The following LARP4B variants were observed in gnomAD, a reference collection of about 807,000 sequenced individuals.
LARP4B encodes the protein La ribonucleoprotein 4B.
LARP4B carries 12 observed loss-of-function variants against 89.8 expected under a neutral mutation model. The observed-to-expected ratio is 0.13, with a 90% CI of 0.09 to 0.22. LARP4B has a LOEUF of 0.22. Ranked by LOEUF, LARP4B falls within the 10% of genes least tolerant of loss-of-function variation. The pLI is 1.00. For missense variants in LARP4B, 757 were observed against 947.7 expected, an observed-to-expected ratio of 0.80 and a Z score of 2.64; for synonymous variants, 367 against 363.3, an observed-to-expected ratio of 1.01 and a Z score of -0.12.
At chr10:941,307 T>TTTTG in the LARP4B span, among the ~76,000 whole-genome samples, 30,983 of 151,654 alleles carry the variant, frequency 0.2, 3,758 homozygotes, top group African/African-American at 0.34. Flanking sequence ...GCTTACTTTG[T>TTTTG]TTTGTTTGTT....
intron 1 of LARP4B, among the ~76,000 whole-genome samples, chr10:917,194 C>T (rs1227266870): frequency 6.6e-6 from 1 of 152,146 alleles, no homozygotes; most frequent in Non-Finnish European, 1.5e-5. Context: ...TTGTTTGAAA[C>T]ATTGCTGATT....
chr10:951,870 C>A, the LARP4B span, among the ~76,000 whole-genome samples: 1 of 148,136 alleles, frequency 6.8e-6, no homozygotes, highest in Non-Finnish European at 1.5e-5. Context: ...GAACCAACTG[C>A]ATAACATACA....
At chr10:855,627 A>G (rs987582477) in intron 5 of LARP4B, among the ~76,000 whole-genome samples, 2 of 152,226 alleles carry the variant, frequency 1.3e-5, no homozygotes, top group African/African-American at 4.8e-5. Flanking sequence ...AAGATCATCG[A>G]TCACCACTAG....
At chr10:905,527 T>C (rs1326252676) in intron 1 of LARP4B, among the ~76,000 whole-genome samples, 1 of 152,190 alleles carries the variant, frequency 6.6e-6, no homozygotes, top group Non-Finnish European at 1.5e-5. Context: ...TCTTCATTAG[T>C]CCCTCCATGC....
chr10:972,352 C>T, the LARP4B span: 1 of 397,902 alleles, frequency 2.5e-6, no homozygotes, highest in Non-Finnish European at 4.9e-6. Context: ...GCACCCACTT[C>T]CACCAGGGGA....
At chr10:820,494 T>G (rs1832296434) in intron 14 of LARP4B, 2 of 318,044 alleles carry the variant, frequency 6.3e-6, no homozygotes, top group Non-Finnish European at 1.2e-5. Flanking sequence ...ACAGAAGAGC[T>G]CACGTGCACA....
upstream of LARP4B, among the ~76,000 whole-genome samples, chr10:935,041 C>T (rs117339259): frequency 3.9e-5 from 6 of 152,348 alleles, no homozygotes; most frequent in Middle Eastern, 3.4e-3. Context: ...ACCCTTCACA[C>T]GCTAGTCCCA....
chr10:967,143 G>A, the LARP4B span, among the ~76,000 whole-genome samples: 1 of 152,228 alleles, frequency 6.6e-6, no homozygotes, highest in South Asian at 2.1e-4. Flanking sequence ...GACTTGCTGG[G>A]TGGACAGCCC....
intron 1 of LARP4B, among the ~76,000 whole-genome samples, chr10:917,803 T>C (rs1836864629): frequency 6.6e-6 from 1 of 152,246 alleles, no homozygotes; most frequent in South Asian, 2.1e-4. Context: ...AAAGAACCTA[T>C]ATGGCCAATC....
At chr10:927,921 G>C (rs1837190508) in intron 1 of LARP4B, among the ~76,000 whole-genome samples, 1 of 152,156 alleles carries the variant, frequency 6.6e-6, no homozygotes, top group Non-Finnish European at 1.5e-5. Flanking sequence ...TTTAAAACTT[G>C]TACCTTTGGC....
At chr10:916,936 G>A (rs989280188) in intron 1 of LARP4B, among the ~76,000 whole-genome samples, 3 of 152,112 alleles carry the variant, frequency 2.0e-5, no homozygotes, top group South Asian at 2.1e-4. Flanking sequence ...GGCCTCAAGC[G>A]ATCCTCCCTT....
In LARP4B at chr10:813,012, G is replaced by A. The variant is rs367870952; in HGVS notation, c.2131C>T (p.Arg711Trp). ...GGCGAGGGCCGGCCCCCCGCCGGCCGCCTCTGGTCTCTGGGGGCTCCAGGT... is the reference window on the plus strand; with the variant it reads ...GGCGAGGGCCGGCCCCCCGCCGGCCACCTCTGGTCTCTGGGGGCTCCAGGT... ...STPGAPRDQR[R>W]PAGGRPSPSA... is the part of the protein sequence containing the mutation. The change falls in exon 18 of 18, where the codon CGG (arginine) becomes TGG (tryptophan). Residue 711 changes from arginine to tryptophan, a missense_variant. This residue lies in a region of LARP4B where 387 missense variants were observed against 423.6 expected (regional missense o/e 0.91). Coordinates refer to ENST00000316157, the MANE Select transcript of LARP4B (RefSeq NM_015155.3). The A allele has an allele frequency of 8.2e-6, 13 of 1,594,506 alleles. No individual in the cohort carries two copies. Among genetic ancestry groups the A allele is most frequent in the South Asian group, 4.6e-5 (4 of 87,432 alleles).
At chr10:914,428 A>T (rs990462125) in intron 1 of LARP4B, among the ~76,000 whole-genome samples, 1 of 151,990 alleles carries the variant, frequency 6.6e-6, no homozygotes, top group African/African-American at 2.4e-5. Flanking sequence ...ATAAAAAAGA[A>T]AGGTAGGTTG....
In LARP4B at chr10:814,991, A is replaced by C; in HGVS notation, c.1775T>G (p.Val592Gly). 6.2e-7 allele frequency: 1 copy of C among 1,609,226 alleles called. No individual in the cohort carries two copies. The highest frequency in any genetic ancestry group is 8.5e-7 in the Non-Finnish European group (1 of 1,176,962). The change falls in exon 16 of 18, where the codon GTA (valine) becomes GGA (glycine). Residue 592 changes from valine (V) to glycine (G), a missense_variant. Physicochemically the swap from Val to Gly is moderately radical, Grantham distance 109. Around this residue, in one of 5 missense-constraint regions of LARP4B, gnomAD observed 387 missense variants for 423.6 expected, o/e 0.91. Coordinates refer to ENST00000316157, the MANE Select transcript of LARP4B (RefSeq NM_015155.3). The surrounding 1 kb of genome is among the most constrained non-coding windows in gnomAD (Gnocchi z 4.4). ...GGGGGATCGCTCGTACGTTGCTGAT[A>C]CAGCACAAGAAGCCGGCACCGAGGG... ...REPSVPASCAVSATYERSPSP... is the reference protein window; with the variant it reads ...REPSVPASCAGSATYERSPSP...
the LARP4B span, among the ~76,000 whole-genome samples, chr10:961,477 C>T: frequency 1.7e-3 from 255 of 147,012 alleles, no homozygotes; most frequent in Non-Finnish European, 3.2e-3. Flanking sequence ...GGGGAGGCCT[C>T]GGGAAGGTCC....
intron 1 of LARP4B, among the ~76,000 whole-genome samples, chr10:920,580 C>T (rs752432242): frequency 1.5e-4 from 23 of 152,014 alleles, no homozygotes; most frequent in Non-Finnish European, 2.6e-4. Context: ...TGCAGACCAG[C>T]CTGGCCAATA....
At chr10:828,961 G>A (rs61830901) in intron 11 of LARP4B, among the ~76,000 whole-genome samples, 3 of 152,208 alleles carry the variant, frequency 2.0e-5, no homozygotes, top group Admixed American at 6.5e-5. Flanking sequence ...TAATCCTGTC[G>A]ACCAACTCTA....
Position 822,303 on chromosome 10 carries a change from T to G in LARP4B, c.1485-1458A>C, listed in dbSNP as rs1832393667. On this transcript the variant is annotated intron_variant, in intron 13 of 17. Coordinates refer to ENST00000316157, the MANE Select transcript of LARP4B (RefSeq NM_015155.3). The surrounding 1 kb of genome is among the most constrained non-coding windows in gnomAD (Gnocchi z 4.6). ...TGCCCAGAGGCATTGCCCTGAGCGCTGGACAGAGGGACAGCAGCCACATGG... is the reference window on the plus strand; with the variant it reads ...TGCCCAGAGGCATTGCCCTGAGCGCGGGACAGAGGGACAGCAGCCACATGG... Among the ~76,000 whole-genome samples, 1 of 152,216 alleles carries G rather than the reference T, an allele frequency of 6.6e-6. No homozygotes were observed. The highest frequency in any genetic ancestry group is 2.1e-4 in the South Asian group (1 of 4,836).
intron 3 of LARP4B, chr10:873,364 G>A: frequency 1.0e-6 from 1 of 985,378 alleles, no homozygotes; most frequent in South Asian, 4.7e-5. Context: ...ATTCCAAACA[G>A]GACCAGGATC....
Sources: allele counts gnomAD v4.1 joint callset (sites outside exome capture counted in the v4.1 genomes callset), GRCh38; gene constraint gnomAD v4.1.1; regional missense constraint gnomAD v4.1.1; non-coding constraint Gnocchi (gnomAD v3.1); transcripts MANE v1.5; gene names NCBI Gene and HGNC (gene_info 2026-07-23, HGNC 2026-07-21).